STARD6: variants seen among roughly 807,000 people sequenced by gnomAD.
The protein encoded by STARD6 is StAR related lipid transfer domain containing 6.
In STARD6, 21 loss-of-function variants were observed where a neutral mutation model predicts 22.3. That is an observed-to-expected ratio of 0.94 (90% CI 0.67 to 1.35). The LOEUF is 1.35. STARD6 is among the 40% of genes most tolerant of loss of function. The pLI is 0.00. For synonymous variants in STARD6, 80 were observed against 88.1 expected (o/e 0.91, Z 0.52); for missense variants, 269 against 266.9 (o/e 1.01, Z -0.05).
chr18:54,349,294 A>G (rs1326403825), intron 4 of STARD6, among the ~76,000 whole-genome samples: 1 of 152,146 alleles, frequency 6.6e-6, no homozygotes, highest in African/African-American at 2.4e-5. Flanking sequence ...GAACATAAAA[A>G]TGACATTAGC....
At chr18:54,328,472 T>C (rs1427900515) in intron 7 of STARD6, among the ~76,000 whole-genome samples, 1 of 152,198 alleles carries the variant, frequency 6.6e-6, no homozygotes, top group Non-Finnish European at 1.5e-5. Context: ...AGATTCAAAA[T>C]TGACAAATGG....
intron 2 of STARD6, among the ~76,000 whole-genome samples, chr18:54,355,158 A>G (rs1657895): frequency 0.065 from 9,937 of 151,986 alleles, 372 homozygotes; most frequent in African/African-American, 0.085. Context: ...CTTAGCTCCA[A>G]TCATTTGATC....
At chr18:54,353,319 A>G (rs961286376) in intron 4 of STARD6, among the ~76,000 whole-genome samples, 2 of 152,206 alleles carry the variant, frequency 1.3e-5, no homozygotes, top group Non-Finnish European at 2.9e-5. Context: ...ATTTGAAATA[A>G]TTTTATCCTT....
intron 4 of STARD6, among the ~76,000 whole-genome samples, chr18:54,349,117 T>C (rs1457740349): frequency 6.6e-6 from 1 of 152,146 alleles, no homozygotes. Flanking sequence ...ATGAGAGACA[T>C]ATAATACGTA....
At chr18:54,330,941 C>CAGAA (rs2088860310) in intron 6 of STARD6, among the ~76,000 whole-genome samples, 1 of 151,926 alleles carries the variant, frequency 6.6e-6, no homozygotes, top group Non-Finnish European at 1.5e-5. Flanking sequence ...TGGTATGCTG[C>CAGAA]AGAAAGAGCT....
chr18:54,335,175 T>A (rs1428117439), intron 5 of STARD6, among the ~76,000 whole-genome samples: 1 of 60,568 alleles, frequency 1.7e-5, no homozygotes, highest in Non-Finnish European at 4.4e-5. Context: ...TGGTTATTTA[T>A]TTATTTATTT....
intron 7 of STARD6, among the ~76,000 whole-genome samples, chr18:54,326,995 T>G (rs976622095): frequency 6.6e-6 from 1 of 152,206 alleles, no homozygotes; most frequent in African/African-American, 2.4e-5. Flanking sequence ...GAAACTGAGC[T>G]TTGCTATTAC....
intron 7 of STARD6, among the ~76,000 whole-genome samples, chr18:54,325,750 A>T (rs1379701540): frequency 6.6e-6 from 1 of 152,014 alleles, no homozygotes; most frequent in East Asian, 1.9e-4. Context: ...GGGTCTCATT[A>T]TGTTGCCAAG....
Position 54,337,075 on chromosome 18 carries a change from A to G in STARD6, c.267+50T>C, listed in dbSNP as rs1369969797. 3.3e-6 allele frequency: 5 copies of G among 1,520,294 alleles called. No individual in the cohort carries two copies. In the African/African-American group the frequency reaches 6.9e-5, roughly 21 times the overall value. 94.2% of individuals were successfully genotyped at this position (1,520,294 alleles called of 1,614,324 possible). A position where few individuals can be genotyped will look rare whatever the true frequency, so the allele number is the denominator to read the frequency against. ...TTTTAATCAACTCACTAAGGTATAA[A>G]CTAAAAATATATTAATGTTCTAGAA... is the stretch of plus-strand genomic sequence containing the variant. On this transcript the variant is annotated intron_variant, in intron 5 of 7. Coordinates refer to ENST00000307844, the MANE Select transcript of STARD6 (RefSeq NM_139171.2).
chr18:54,354,421 T>C, intron 3 of STARD6, 63 bp downstream of exon 3: 2 of 1,410,112 alleles, frequency 1.4e-6, no homozygotes, highest in Non-Finnish European at 2.0e-6. Flanking sequence ...AAAAAGTCTT[T>C]ACAATGAATT....
chr18:54,332,131 T>C (rs2088870721), intron 5 of STARD6, among the ~76,000 whole-genome samples: 1 of 152,180 alleles, frequency 6.6e-6, no homozygotes, highest in African/African-American at 2.4e-5. Context: ...TTAAATCACA[T>C]TCACATCTAG....
intron 4 of STARD6, among the ~76,000 whole-genome samples, chr18:54,352,280 T>C (rs2089105444): frequency 6.6e-6 from 1 of 152,204 alleles, no homozygotes; most frequent in South Asian, 2.1e-4. Flanking sequence ...ATTTCTGTGG[T>C]ATTGGCTGTA....
chr18:54,333,699 T>C (rs1209962397), intron 5 of STARD6, among the ~76,000 whole-genome samples: 6 of 152,332 alleles, frequency 3.9e-5, no homozygotes, highest in African/African-American at 1.4e-4. Context: ...CTTCATGGGC[T>C]TTTCTATAAC....
chr18:54,328,722 C>T (rs552397379), intron 7 of STARD6, among the ~76,000 whole-genome samples: 4 of 151,886 alleles, frequency 2.6e-5, no homozygotes, highest in Non-Finnish European at 5.9e-5. Context: ...AATAAAAAAT[C>T]ATTTAGCAAA....
At chr18:54,338,599 G>A (rs374446556) in intron 4 of STARD6, among the ~76,000 whole-genome samples, 5 of 151,788 alleles carry the variant, frequency 3.3e-5, no homozygotes, top group African/African-American at 1.2e-4. Flanking sequence ...TCAGTATCCA[G>A]AGTTGCTACA....
chr18:54,351,496 G>C (rs1468905006), intron 4 of STARD6, among the ~76,000 whole-genome samples: 1 of 152,136 alleles, frequency 6.6e-6, no homozygotes, highest in Non-Finnish European at 1.5e-5. Flanking sequence ...AATAGAAGTG[G>C]TGAAAATGGG....
intron 4 of STARD6, among the ~76,000 whole-genome samples, chr18:54,341,559 CA>C (rs1463983908): frequency 6.6e-6 from 1 of 152,104 alleles, no homozygotes; most frequent in Non-Finnish European, 1.5e-5. Context: ...TTCAAGGATT[CA>C]AATTTTACAA....
At position 54,349,184 on chromosome 18, in the gene STARD6, G is replaced by C. The variant is rs146160959; in HGVS notation, c.140+4870C>G. On this transcript the variant is annotated intron_variant, in intron 4 of 7. Transcript: ENST00000307844. ...AAGTGCTATGAAGAAGATAATAGCA[G>C]AACAATGTAGTAAATAGAGGTTTAG... 8.5e-5 allele frequency among the ~76,000 whole-genome samples: 13 copies of C among 152,242 alleles called. 1 individual carries two copies. The East Asian group carries it at 2.5e-3, about 29-fold the overall frequency.
At chr18:54,339,978 TA>T (rs1041916031) in intron 4 of STARD6, among the ~76,000 whole-genome samples, 3 of 151,600 alleles carry the variant, frequency 2.0e-5, no homozygotes, top group South Asian at 4.2e-4. Flanking sequence ...TATATGTGAA[TA>T]AAAAAAATAA....
Sources: gnomAD v4.1 joint callset for allele counts (sites outside exome capture counted in the v4.1 genomes callset) on GRCh38, gnomAD v4.1.1 for gene constraint, MANE v1.5 for transcripts, NCBI Gene and HGNC (gene_info 2026-07-23, HGNC 2026-07-21) for gene names.